Variants in OCA2 observed in about 807,000 individuals in gnomAD.
OCA2 encodes P protein.
A neutral mutation model predicts 100.2 loss-of-function variants in OCA2; 77 were observed. The ratio of observed to expected loss-of-function variants is 0.77; its 90% CI spans 0.64 to 0.93. The LOEUF (loss-of-function observed/expected upper bound fraction) is 0.93. Among genes scored for constraint, OCA2 ranks in the 40% least tolerant of loss-of-function variants. The probability of loss-of-function intolerance (pLI) is 0.00; values close to 1 mark genes in which losing one functional copy is unlikely to be tolerated. For synonymous variants in OCA2, 432 were observed against 439.2 expected, an observed-to-expected ratio of 0.98 and a Z score of 0.21; for missense variants, 1,062 against 1,089.1, an observed-to-expected ratio of 0.98 and a Z score of 0.35.
At chr15:27,914,806 C>T (rs2311844) in intron 19 of OCA2, among the ~76,000 whole-genome samples, 29,143 of 151,996 alleles carry the variant, frequency 0.19, 4,098 homozygotes, top group East Asian at 0.62. Context: ...TCTACAGATT[C>T]AATGCTATTC....
At chr15:28,045,881 T>C (rs1278978519) in intron 2 of OCA2, among the ~76,000 whole-genome samples, 1 of 152,212 alleles carries the variant, frequency 6.6e-6, no homozygotes, top group East Asian at 1.9e-4. Flanking sequence ...ATCCTGGTGA[T>C]ATCAGGTTAA....
At chr15:27,982,097 A>G (rs945826665) in intron 14 of OCA2, among the ~76,000 whole-genome samples, 3 of 152,194 alleles carry the variant, frequency 2.0e-5, no homozygotes, top group Non-Finnish European at 2.9e-5. Flanking sequence ...CAGGCAAGAG[A>G]GTAAATCCAG....
chr15:27,756,007 C>T (rs1273143984), intron 23 of OCA2, among the ~76,000 whole-genome samples: 5 of 152,162 alleles, frequency 3.3e-5, no homozygotes, highest in Admixed American at 6.5e-5. Flanking sequence ...AGGTGTGAGA[C>T]GTGTGGACAA....
chr15:27,738,532 G>C, the OCA2 span, among the ~76,000 whole-genome samples: 2 of 152,094 alleles, frequency 1.3e-5, no homozygotes, highest in South Asian at 2.1e-4. Flanking sequence ...TCAGGAGATC[G>C]AGACCATCCT....
At position 27,966,763 on chromosome 15, in the gene OCA2, C is replaced by T. The variant is rs536116108; in HGVS notation, c.1563G>A (p.Leu521=). ...HMFIGICLVL[L]VCFPLLRLLY... ...GGAGTCTGAGGAGCGGAAAGCAGACCAGGAGAACAAGGCAAATCCCAATGA... is the reference window on the plus strand; with the variant it reads ...GGAGTCTGAGGAGCGGAAAGCAGACTAGGAGAACAAGGCAAATCCCAATGA... The change falls in exon 15 of 24, where the codon CTG becomes CTA. Residue 521 remains leucine, a synonymous_variant. Transcript: ENST00000354638. The T allele has an allele frequency of 6.2e-7, 1 of 1,613,702 alleles. No homozygotes were observed. Among genetic ancestry groups the T allele is most frequent in the East Asian group, 2.2e-5 (1 of 44,874 alleles).
At chr15:27,768,602 A>G (rs1428136003) in intron 23 of OCA2, among the ~76,000 whole-genome samples, 1 of 152,238 alleles carries the variant, frequency 6.6e-6, no homozygotes, top group East Asian at 1.9e-4. Flanking sequence ...CTGAGTGTAC[A>G]TTCAGGGCAA....
At chr15:27,816,845 T>C (rs2034321249) in intron 23 of OCA2, among the ~76,000 whole-genome samples, 1 of 152,076 alleles carries the variant, frequency 6.6e-6, no homozygotes, top group Non-Finnish European at 1.5e-5. Flanking sequence ...AGTGACAGCC[T>C]CTGAGTGACA....
At chr15:27,778,824 A>C (rs2151079966) in intron 23 of OCA2, among the ~76,000 whole-genome samples, 1 of 152,368 alleles carries the variant, frequency 6.6e-6, no homozygotes, top group African/African-American at 2.4e-5. Flanking sequence ...GTTGATAGAA[A>C]GTTATAAATT....
intron 1 of OCA2, among the ~76,000 whole-genome samples, chr15:28,088,501 C>T (rs562239584): frequency 2.0e-5 from 3 of 152,152 alleles, no homozygotes; most frequent in East Asian, 1.9e-4. Flanking sequence ...GATAAATTAT[C>T]GGGGGAAATT....
intron 2 of OCA2, among the ~76,000 whole-genome samples, chr15:28,060,708 T>G (rs1427188614): frequency 6.6e-6 from 1 of 152,234 alleles, no homozygotes; most frequent in Non-Finnish European, 1.5e-5. Flanking sequence ...GAGAAAATTT[T>G]AACTTGCTCT....
intron 14 of OCA2, among the ~76,000 whole-genome samples, chr15:27,973,447 C>A (rs2040870207): frequency 6.6e-6 from 1 of 152,042 alleles, no homozygotes; most frequent in Non-Finnish European, 1.5e-5. Context: ...TGTCTTTTAC[C>A]CAGTTTATGT....
intron 19 of OCA2, among the ~76,000 whole-genome samples, chr15:27,894,063 T>TCAC (rs2037583166): frequency 6.6e-6 from 1 of 152,194 alleles, no homozygotes; most frequent in Admixed American, 6.5e-5. Flanking sequence ...GTCCTACCAA[T>TCAC]ATGTGATGTC....
At chr15:27,915,729 A>G (rs867931248) in intron 19 of OCA2, among the ~76,000 whole-genome samples, 5 of 152,176 alleles carry the variant, frequency 3.3e-5, no homozygotes, top group African/African-American at 1.2e-4. Flanking sequence ...CAGAGAAAAG[A>G]GAATGCTTAT....
chr15:27,942,964 T>C (rs2039703100), intron 18 of OCA2, among the ~76,000 whole-genome samples: 1 of 152,216 alleles, frequency 6.6e-6, no homozygotes, highest in Non-Finnish European at 1.5e-5. Context: ...GGGATGTAAA[T>C]ATTTTTATTA....
intron 11 of OCA2, among the ~76,000 whole-genome samples, chr15:27,987,044 T>G (rs958517741): frequency 6.6e-6 from 1 of 152,362 alleles, no homozygotes; most frequent in Admixed American, 6.5e-5. Context: ...CTTCTGCACC[T>G]ACGTGTCCAC....
intron 15 of OCA2, among the ~76,000 whole-genome samples, chr15:27,963,985 A>G (rs775218415): frequency 3.7e-4 from 56 of 152,170 alleles, no homozygotes; most frequent in Non-Finnish European, 7.2e-4. Context: ...ATAACAATAC[A>G]TTCAACAACT....
intron 11 of OCA2, 35 bp from the exon 12 acceptor site, chr15:27,986,678 T>C (rs2041364934): frequency 1.5e-6 from 2 of 1,359,750 alleles, no homozygotes; most frequent in East Asian, 4.6e-5. Flanking sequence ...GATAATCTTT[T>C]AGCAGGACAC....
intron 17 of OCA2, among the ~76,000 whole-genome samples, chr15:27,952,457 C>G (rs1035043798): frequency 1.3e-5 from 2 of 152,134 alleles, no homozygotes; most frequent in Non-Finnish European, 2.9e-5. Context: ...GGAGACGGCA[C>G]GAGACGGGGC....
intron 19 of OCA2, chr15:27,896,154 A>G: frequency 1.0e-6 from 1 of 969,240 alleles, no homozygotes; most frequent in East Asian, 2.4e-5. Context: ...CAGAACTACC[A>G]GTGGCAATGA....
Sources: gnomAD v4.1 joint callset for allele counts (sites outside exome capture counted in the v4.1 genomes callset) on GRCh38, gnomAD v4.1.1 for gene constraint, MANE v1.5 for transcripts, NCBI Gene and HGNC (gene_info 2026-07-23, HGNC 2026-07-21) for gene names.